Variants in PRICKLE4 observed in about 807,000 individuals in gnomAD.
The protein encoded by PRICKLE4 is prickle planar cell polarity protein 4.
In PRICKLE4, 40 loss-of-function variants were observed where a neutral mutation model predicts 43.5. The ratio of observed to expected loss-of-function variants is 0.92; its 90% CI spans 0.71 to 1.20. The LOEUF (loss-of-function observed/expected upper bound fraction) is 1.20, where lower values mean the gene tolerates loss of function less well. Ranked by LOEUF, PRICKLE4 falls within the 50% of genes most tolerant of loss-of-function variation. The pLI, the probability that PRICKLE4 is intolerant of heterozygous loss-of-function variation, is 0.00. For synonymous variants in PRICKLE4, 208 were observed against 197.4 expected, an observed-to-expected ratio of 1.05 and a Z score of -0.45; for missense variants, 527 against 491.2, an observed-to-expected ratio of 1.07 and a Z score of -0.69.
At chr6:41,782,146 C>T (rs1296790161) in intron 2 of PRICKLE4, among the ~76,000 whole-genome samples, 4 of 149,330 alleles carry the variant, frequency 2.7e-5, no homozygotes, top group African/African-American at 7.4e-5. Flanking sequence ...CAGCTCACTG[C>T]CACCTCTGCC....
intron 7 of PRICKLE4, 177 bp downstream of exon 7, chr6:41,786,509 G>T: frequency 9.6e-7 from 1 of 1,047,052 alleles, no homozygotes; most frequent in Non-Finnish European, 1.4e-6. Flanking sequence ...TCCCTGGCCG[G>T]AGCGTTCCAA....
rs1300783302 is a variant in PRICKLE4, at chr6:41,786,998, T to C, written c.1024T>C (p.Cys342Arg). ...TCCCAAGGACACCCCTTTCTCCACC[T>C]GCTCCTCCTCCTCTGACTCGGAACC... Reference protein sequence around the residue: ...RDPKDTPFSTCSSSSDSEPEG... With the variant: ...RDPKDTPFSTRSSSSDSEPEG... Residue 342 changes from cysteine to arginine, a missense_variant, in exon 8 of 8, where the codon TGC (cysteine) becomes CGC (arginine). Coordinates refer to ENST00000458694, the MANE Select transcript of PRICKLE4 (RefSeq NM_013397.6). 4 of 1,614,012 alleles carry C rather than the reference T, an allele frequency of 2.5e-6. No homozygotes were observed. Among genetic ancestry groups the C allele is most frequent in the Non-Finnish European group, 3.4e-6 (4 of 1,180,042 alleles).
rs571905262 is a variant in PRICKLE4, at chr6:41,782,539, G to A, written c.-12-923G>A. Among the ~76,000 whole-genome samples, 9 of 151,900 alleles carry A rather than the reference G, an allele frequency of 5.9e-5. 1 individual carries two copies. In the South Asian group the frequency reaches 1.0e-3, roughly 18 times the overall value. ...GGAGTAGCTGGGACTATAGGCGCCC[G>A]CCACCACGCCCGGCTAATTTTTTTA... On this transcript the variant is annotated intron_variant, in intron 2 of 7. Transcript: ENST00000458694.
intron 2 of PRICKLE4, among the ~76,000 whole-genome samples, chr6:41,782,026 CCTT>C (rs1370012616): frequency 2.6e-5 from 4 of 151,320 alleles, no homozygotes; most frequent in Non-Finnish European, 5.9e-5. Flanking sequence ...ACTATGAGCT[CCTT>C]GAGGGCGGGG....
chr6:41,781,895 T>G (rs1772559173), intron 2 of PRICKLE4, among the ~76,000 whole-genome samples: 2 of 152,186 alleles, frequency 1.3e-5, no homozygotes, highest in African/African-American at 4.8e-5. Flanking sequence ...AGAAGAGTCC[T>G]TGGCACAGAG....
rs1284861737 is a variant in PRICKLE4 at position 41,787,199 on chromosome 6, T to TC, written c.*75dup. On this transcript the variant is annotated 3_prime_UTR_variant, in exon 8 of 8. Coordinates refer to ENST00000458694, the MANE Select transcript of PRICKLE4 (RefSeq NM_013397.6). ...GTAAAGCGGGAGAACAAGGCTAGCC[T>TC]CCCCCTAACAATCCTAGACTGAGAC... The TC allele has an allele frequency of 6.7e-7, 1 of 1,502,744 alleles. No homozygotes were observed. Among genetic ancestry groups the TC allele is most frequent in the Admixed American group, 2.3e-5 (1 of 43,918 alleles). The allele number at this position is 1,502,744 out of a possible 1,614,324, so 93.1% of individuals were successfully genotyped here.
At chr6:41,785,596 A>G in intron 6 of PRICKLE4, 56 bp downstream of exon 6, 2 of 1,529,304 alleles carry the variant, frequency 1.3e-6, no homozygotes, top group South Asian at 2.3e-5. Context: ...GTGGCAGGAT[A>G]CAAAGGGACA....
At position 41,786,257 on chromosome 6, in the gene PRICKLE4, C is replaced by A; in HGVS notation, c.712C>A (p.Pro238Thr). ...YALPGGSPCC[P>T]SCFENRYSDA... ...CCTGCCTGGGGGAAGCCCCTGCTGC[C>A]CCAGCTGCTTCGAGAACCGCTACTC... The change falls in exon 7 of 8, where the codon CCC (proline) becomes ACC (threonine). Residue 238 changes from proline to threonine, a missense_variant. Transcript: ENST00000458694. 1 of 1,600,788 alleles carries A rather than the reference C, an allele frequency of 6.2e-7. No individual in the cohort carries two copies. Among genetic ancestry groups the A allele is most frequent in the Non-Finnish European group, 8.5e-7 (1 of 1,170,222 alleles).
At chr6:41,782,383 C>CTTTTTT (rs1444866176) in intron 2 of PRICKLE4, among the ~76,000 whole-genome samples, 9 of 70,424 alleles carry the variant, frequency 1.3e-4, no homozygotes, top group Non-Finnish European at 2.1e-4. Context: ...ATGGTCACTT[C>CTTTTTT]TTCTTTTTTT....
At position 41,782,965 on chromosome 6, in the gene PRICKLE4, C is replaced by T. The variant is rs188933609; in HGVS notation, c.-12-497C>T. ...GTGTGGTCACAGAGGCTGAGAAGGG[C>T]TTCCTAGTAAGGGGATCCTTTAACC... On this transcript the variant is annotated intron_variant, in intron 2 of 7. Transcript: ENST00000458694. Among the ~76,000 whole-genome samples the T allele has an allele frequency of 5.3e-3, 808 of 152,186 alleles. 3 individuals carry two copies. The highest frequency in any genetic ancestry group is 8.6e-3 in the Non-Finnish European group (583 of 67,970).
chr6:41,783,422 C>T (rs1019931610), intron 2 of PRICKLE4, 40 bp from the exon 3 acceptor site: 23 of 1,437,366 alleles, frequency 1.6e-5, no homozygotes, highest in Admixed American at 4.4e-5. Context: ...CACATTGTAA[C>T]GGCCTAATAC....
Position 41,786,241 on chromosome 6 carries a change from G to A in PRICKLE4, c.696G>A (p.Gly232=). The A allele has an allele frequency of 6.2e-7, 1 of 1,602,952 alleles. No individual in the cohort carries two copies. The highest frequency in any genetic ancestry group is 8.5e-7 in the Non-Finnish European group (1 of 1,171,610). The part of the protein sequence containing the change: ...PLGGGRYALP[G]GSPCCPSCFE... ...GCGGGGGACGTTATGCCCTGCCTGGGGGAAGCCCCTGCTGCCCCAGCTGCT... is the reference window on the plus strand; with the variant it reads ...GCGGGGGACGTTATGCCCTGCCTGGAGGAAGCCCCTGCTGCCCCAGCTGCT... Residue 232 remains glycine (G), a synonymous_variant, in exon 7 of 8, where the codon GGG becomes GGA. Transcript: ENST00000458694.
chr6:41,786,429 C>G (rs758180704), intron 7 of PRICKLE4, 97 bp downstream of exon 7: 10 of 1,376,618 alleles, frequency 7.3e-6, no homozygotes, highest in Middle Eastern at 1.9e-4. Flanking sequence ...CACGCCGTCC[C>G]GTCCCTCCAG....
intron 7 of PRICKLE4, chr6:41,786,540 G>A: frequency 9.9e-7 from 1 of 1,009,670 alleles, no homozygotes; most frequent in Non-Finnish European, 1.5e-6. Context: ...AACCCACCCC[G>A]CGCCGCGGTC....
intron 4 of PRICKLE4, 115 bp from the exon 5 acceptor site, chr6:41,784,820 C>T: frequency 7.5e-7 from 1 of 1,341,906 alleles, no homozygotes; most frequent in Non-Finnish European, 1.0e-6. Context: ...TCTGGCATCT[C>T]CCTGAGGTTC....
chr6:41,786,614 GA>G (rs1772656580), intron 7 of PRICKLE4, 147 bp from the exon 8 acceptor site: 2 of 1,330,538 alleles, frequency 1.5e-6, no homozygotes, highest in East Asian at 5.6e-5. Flanking sequence ...GGAGGCGGGG[GA>G]CCCTGGCGAG....
chr6:41,784,890 T>C, intron 4 of PRICKLE4, 45 bp from the exon 5 acceptor site: 1 of 1,609,266 alleles, frequency 6.2e-7, no homozygotes, highest in Non-Finnish European at 8.5e-7. Flanking sequence ...GCTCAATGTT[T>C]TCTGCTGGAG....
At chr6:41,785,206 G>C (rs1772620568) in intron 5 of PRICKLE4, 131 bp from the exon 6 acceptor site, 2 of 1,518,780 alleles carry the variant, frequency 1.3e-6, no homozygotes, top group Admixed American at 2.0e-5. Flanking sequence ...GCAAGCTCTT[G>C]GTATAGGTTG....
chr6:41,783,069 G>C (rs1049844098), intron 2 of PRICKLE4, among the ~76,000 whole-genome samples: 2 of 152,202 alleles, frequency 1.3e-5, no homozygotes, highest in Non-Finnish European at 2.9e-5. Context: ...GGGGCTGTGG[G>C]TGCATGGTGA....
Sources: gnomAD v4.1 joint callset for allele counts (sites outside exome capture counted in the v4.1 genomes callset) on GRCh38, gnomAD v4.1.1 for gene constraint, MANE v1.5 for transcripts, NCBI Gene and HGNC (gene_info 2026-07-23, HGNC 2026-07-21) for gene names.